Variants in IFT88 observed in about 807,000 individuals in gnomAD.
The protein encoded by IFT88 is intraflagellar transport protein 88 homolog.
Under a neutral mutation model 119.5 loss-of-function variants are expected in IFT88, and 74 were observed. That is an observed-to-expected ratio of 0.62 (90% CI 0.51 to 0.75). The LOEUF is 0.75. Among genes scored for constraint, IFT88 ranks in the 30% least tolerant of loss-of-function variants. IFT88 has a pLI of 0.00. For synonymous variants in IFT88, 279 were observed against 316.7 expected, an observed-to-expected ratio of 0.88 and a Z score of 1.26; for missense variants, 961 against 977.7, an observed-to-expected ratio of 0.98 and a Z score of 0.23.
intron 20 of IFT88, among the ~76,000 whole-genome samples, chr13:20,649,523 C>A (rs889018639): frequency 1.1e-4 from 17 of 152,146 alleles, no homozygotes; most frequent in African/African-American, 4.1e-4. Context: ...AAATTTATAT[C>A]TGTAAGTACA....
intron 13 of IFT88, among the ~76,000 whole-genome samples, chr13:20,612,636 T>C (rs2044762346): frequency 1.3e-5 from 2 of 152,056 alleles, no homozygotes; most frequent in South Asian, 4.2e-4. Flanking sequence ...GACAAATTGA[T>C]CCTAAAACTC....
intron 23 of IFT88, among the ~76,000 whole-genome samples, chr13:20,670,322 A>G (rs973008033): frequency 1.3e-5 from 2 of 152,176 alleles, no homozygotes; most frequent in African/African-American, 2.4e-5. Flanking sequence ...TTCAATGTTA[A>G]TACAAAAATT....
chr13:20,659,338 G>T lies in IFT88; in HGVS notation c.2068+2908G>T, dbSNP rs142372488. On this transcript the variant is annotated intron_variant, in intron 22 of 25. Coordinates refer to ENST00000351808, the MANE Select transcript of IFT88 (RefSeq NM_006531.5). ...GCAAGACCTCAACTCTTCTAAATATGAAAAAAATATCAGGGCATGGTGGTG... is the reference window on the plus strand; with the variant it reads ...GCAAGACCTCAACTCTTCTAAATATTAAAAAAATATCAGGGCATGGTGGTG... Among the ~76,000 whole-genome samples, 383 of 152,028 alleles carry T rather than the reference G, an allele frequency of 2.5e-3. 3 individuals carry two copies. The highest frequency in any genetic ancestry group is 8.8e-3 in the African/African-American group (367 of 41,502).
intron 16 of IFT88, among the ~76,000 whole-genome samples, chr13:20,635,799 G>A (rs1056447029): frequency 6.6e-6 from 1 of 151,956 alleles, no homozygotes; most frequent in African/African-American, 2.4e-5. Context: ...CTAGATGACA[G>A]GTTGATAGGT....
chr13:20,574,496 T>C, intron 2 of IFT88, 21 bp downstream of exon 2: 1 of 1,365,664 alleles, frequency 7.3e-7, no homozygotes, highest in Non-Finnish European at 1.0e-6. Context: ...CTAGTTGTTT[T>C]TTACATTGGT....
intron 3 of IFT88, among the ~76,000 whole-genome samples, chr13:20,587,375 A>C (rs918721580): frequency 6.6e-6 from 1 of 152,052 alleles, no homozygotes; most frequent in South Asian, 2.1e-4. Flanking sequence ...CTCGGGCCTC[A>C]GCCTCCTGAG....
At chr13:20,619,962 TTA>T (rs1442331291) in intron 14 of IFT88, among the ~76,000 whole-genome samples, 7 of 152,230 alleles carry the variant, frequency 4.6e-5, no homozygotes, top group Admixed American at 2.0e-4. Context: ...TCAGCAGATT[TTA>T]TATGTTTATT....
At chr13:20,679,867 A>G (rs2057123376) in intron 24 of IFT88, among the ~76,000 whole-genome samples, 1 of 152,158 alleles carries the variant, frequency 6.6e-6, no homozygotes, top group Non-Finnish European at 1.5e-5. Context: ...CCACTATACC[A>G]CCATATGCCC....
chr13:20,586,791 A>G (rs1448611152), intron 3 of IFT88, among the ~76,000 whole-genome samples: 3 of 152,202 alleles, frequency 2.0e-5, no homozygotes, highest in South Asian at 2.1e-4. Context: ...TGAAACATGT[A>G]TACAAATTAA....
chr13:20,583,776 G>C (rs4558260), intron 3 of IFT88, among the ~76,000 whole-genome samples: 118,326 of 152,032 alleles, frequency 0.78, 46,716 homozygotes, highest in East Asian at 1. Context: ...ACCTTTAGAT[G>C]TTTAATCCAT....
At position 20,598,666 on chromosome 13, in the gene IFT88, G is replaced by A. The variant is rs768089063; in HGVS notation, c.610G>A (p.Ala204Thr). 1.2e-6 allele frequency: 2 copies of A among 1,607,386 alleles called. No individual in the cohort carries two copies. The highest frequency in any genetic ancestry group is 1.7e-6 in the Non-Finnish European group (2 of 1,175,032). ...TCTTCCTTAGGTTCTTTTCAATTTG[G>A]CCAGTCAGTATTCAGTTAATGAAAT... ...DLTYSVLFNL[A>T]SQYSVNEMYA... is the part of the protein sequence containing the mutation. The change falls in exon 10 of 26, where the codon GCC becomes ACC. Residue 204 changes from alanine (A) to threonine (T), a missense_variant. Ala to Thr is a moderately conservative substitution (Grantham distance 58). Transcript: ENST00000351808.
At chr13:20,623,817 T>G (rs902126889) in intron 14 of IFT88, among the ~76,000 whole-genome samples, 1 of 152,242 alleles carries the variant, frequency 6.6e-6, no homozygotes, top group African/African-American at 2.4e-5. Flanking sequence ...GGCAATGTTT[T>G]ATAGTGTTCC....
chr13:20,598,567 A>G, intron 9 of IFT88, 84 bp from the exon 10 acceptor site: 1 of 718,296 alleles, frequency 1.4e-6, no homozygotes, highest in Non-Finnish European at 2.4e-6. Flanking sequence ...ACTTTGTTAT[A>G]GGATTTTAAT....
chr13:20,597,753 A>AAATATATATATATATATTTTTTTTTT (rs2041976559), intron 9 of IFT88, among the ~76,000 whole-genome samples: 1 of 143,038 alleles, frequency 7.0e-6, no homozygotes, highest in African/African-American at 2.6e-5. Context: ...CTCAAAAAAA[A>AAATATATATATATATATTTTTTTTTT]AATATATATA....
At chr13:20,592,216 A>G in intron 6 of IFT88, 119 bp from the exon 7 acceptor site, 1 of 716,874 alleles carries the variant, frequency 1.4e-6, no homozygotes, top group Non-Finnish European at 2.4e-6. Flanking sequence ...ATAAATAGAT[A>G]ATTGAAACCA....
chr13:20,676,625 A>C (rs1566457746), intron 24 of IFT88, among the ~76,000 whole-genome samples: 1 of 152,232 alleles, frequency 6.6e-6, no homozygotes, highest in East Asian at 1.9e-4. Flanking sequence ...GTTGAGTTGA[A>C]TTTTGTTTTT....
intron 22 of IFT88, among the ~76,000 whole-genome samples, chr13:20,657,048 G>C (rs938272991): frequency 6.6e-6 from 1 of 152,074 alleles, no homozygotes; most frequent in Non-Finnish European, 1.5e-5. Context: ...TAGTAGAGAC[G>C]GGTTTTACTA....
chr13:20,607,630 T>A, intron 13 of IFT88: 1 of 858,688 alleles, frequency 1.2e-6, no homozygotes, highest in Non-Finnish European at 2.0e-6. Flanking sequence ...GCTGTTTTTT[T>A]ATGATCCCCA....
At chr13:20,590,301 A>G (rs999234795) in intron 4 of IFT88, among the ~76,000 whole-genome samples, 1 of 152,166 alleles carries the variant, frequency 6.6e-6, no homozygotes, top group Non-Finnish European at 1.5e-5. Context: ...CTTTGGAGGA[A>G]AGATATATCA....
Sources: allele counts gnomAD v4.1 joint callset (sites outside exome capture counted in the v4.1 genomes callset), GRCh38; gene constraint gnomAD v4.1.1; transcripts MANE v1.5; gene names NCBI Gene and HGNC (gene_info 2026-07-23, HGNC 2026-07-21).